The following CWC27 variants were observed in gnomAD, a reference collection of about 807,000 sequenced individuals.
CWC27 encodes the protein CWC27 spliceosome associated cyclophilin.
A neutral mutation model predicts 63.6 loss-of-function variants in CWC27; 47 were observed. The ratio of observed to expected loss-of-function variants is 0.74; its 90% CI spans 0.58 to 0.94. CWC27 has a LOEUF of 0.94. CWC27 is among the 40% of genes least tolerant of loss of function. The pLI is 0.00. For missense variants in CWC27, 495 were observed against 554.3 expected (o/e 0.89, Z 1.07); for synonymous variants, 175 against 179.8 (o/e 0.97, Z 0.22).
chr5:64,789,036 C>A lies in CWC27; in HGVS notation c.669+16C>A, dbSNP rs776440762. Reference sequence around the variant, plus strand: ...AGTTAGTCAGGTAATCTCTAATTTGCCCTTTGTTCTAACTTACAAAAGAGA... The same window carrying A: ...AGTTAGTCAGGTAATCTCTAATTTGACCTTTGTTCTAACTTACAAAAGAGA... On this transcript the variant is annotated intron_variant, in intron 7 of 13. Transcript: ENST00000381070. 1 of 1,575,910 alleles carries A rather than the reference C, an allele frequency of 6.3e-7. No homozygotes were observed. The highest frequency in any genetic ancestry group is 1.2e-5 in the South Asian group (1 of 86,080).
At chr5:64,837,267 C>T (rs1434969327) in intron 10 of CWC27, among the ~76,000 whole-genome samples, 1 of 152,096 alleles carries the variant, frequency 6.6e-6, no homozygotes, top group Non-Finnish European at 1.5e-5. Context: ...GGAGTTCTAA[C>T]ACCTTTGGTG....
At chr5:64,780,040 C>T (rs1390224544) in intron 2 of CWC27, among the ~76,000 whole-genome samples, 1 of 152,132 alleles carries the variant, frequency 6.6e-6, no homozygotes, top group Non-Finnish European at 1.5e-5. Flanking sequence ...TTCTTCATAG[C>T]AGTGTGAGAA....
chr5:64,780,699 G>GCACACACACA (rs143721735), intron 2 of CWC27, among the ~76,000 whole-genome samples: 16 of 148,194 alleles, frequency 1.1e-4, no homozygotes, highest in African/African-American at 3.9e-4. Flanking sequence ...GCACACGCGC[G>GCACACACACA]CACACACACA....
At chr5:64,814,191 C>A (rs1286366120) in intron 10 of CWC27, among the ~76,000 whole-genome samples, 2 of 151,858 alleles carry the variant, frequency 1.3e-5, no homozygotes, top group Admixed American at 1.3e-4. Flanking sequence ...AGATTGGACA[C>A]CCCTGCAACT....
intron 13 of CWC27, among the ~76,000 whole-genome samples, chr5:64,996,732 T>G (rs1273180018): frequency 6.6e-6 from 1 of 152,150 alleles, no homozygotes; most frequent in Non-Finnish European, 1.5e-5. Context: ...TTGTTTGTGA[T>G]TTTGTATTGC....
In CWC27 at chr5:64,776,068, C is replaced by CGAGAGAGA. The variant is rs70983650; in HGVS notation, c.139+1328_139+1335dup. Among the ~76,000 whole-genome samples, 434 of 108,576 alleles carry CGAGAGAGA rather than the reference C, an allele frequency of 4.0e-3. 17 individuals carry two copies. Among genetic ancestry groups the CGAGAGAGA allele is most frequent in the African/African-American group, 9.6e-3 (254 of 26,582 alleles). The allele number at this position is 108,576 out of a possible 152,430, so 71.2% of individuals were successfully genotyped here. On this transcript the variant is annotated intron_variant, in intron 2 of 13. Transcript: ENST00000381070. ...AAGAGAGAGGTGGGGAGGAGTGGAG[C>CGAGAGAGA]GAGAGAGAGAGAGAGAGAGAGAGAG...
intron 13 of CWC27, among the ~76,000 whole-genome samples, chr5:64,980,835 T>C (rs1749320679): frequency 6.6e-6 from 1 of 152,220 alleles, no homozygotes; most frequent in Non-Finnish European, 1.5e-5. Context: ...CTTATGCCTG[T>C]AATCTCAGCA....
At chr5:64,983,845 G>C (rs1211810160) in intron 13 of CWC27, among the ~76,000 whole-genome samples, 1 of 152,002 alleles carries the variant, frequency 6.6e-6, no homozygotes, top group East Asian at 1.9e-4. Flanking sequence ...TGTTGTTGTT[G>C]TTGTTACAGA....
At chr5:64,859,458 T>C (rs1746344643) in intron 10 of CWC27, among the ~76,000 whole-genome samples, 1 of 152,160 alleles carries the variant, frequency 6.6e-6, no homozygotes, top group Admixed American at 6.6e-5. Context: ...GTTTTAAAAA[T>C]GTTTCAAAGC....
At chr5:64,794,718 A>G (rs536787670) in intron 7 of CWC27, among the ~76,000 whole-genome samples, 241 of 152,278 alleles carry the variant, frequency 1.6e-3, no homozygotes, top group African/African-American at 5.5e-3. Context: ...AATATTTGAA[A>G]TATTTTTATC....
rs545775154 is a variant in CWC27, at chr5:64,940,949, C to T, written c.1043-30754C>T. ...GCACCCTCTGCCTCCTGAGTTCAAG[C>T]GATTCTCCTGCCTCAGCCTCCCAAG... On this transcript the variant is annotated intron_variant, in intron 11 of 13. Coordinates refer to ENST00000381070, the MANE Select transcript of CWC27 (RefSeq NM_005869.4). Among the ~76,000 whole-genome samples, 85 of 148,196 alleles carry T rather than the reference C, an allele frequency of 5.7e-4. 1 individual carries two copies. Among genetic ancestry groups the T allele is most frequent in the African/African-American group, 1.9e-3 (77 of 40,246 alleles).
At chr5:64,844,572 C>T (rs767874572) in intron 10 of CWC27, among the ~76,000 whole-genome samples, 5 of 152,174 alleles carry the variant, frequency 3.3e-5, no homozygotes, top group Non-Finnish European at 5.9e-5. Flanking sequence ...AGTCAAGCAG[C>T]AGCTCCCCTC....
chr5:64,897,615 T>C (rs1747411375), intron 11 of CWC27, among the ~76,000 whole-genome samples: 1 of 152,066 alleles, frequency 6.6e-6, no homozygotes, highest in Non-Finnish European at 1.5e-5. Flanking sequence ...AGGGGAGGGA[T>C]AGCATTAGGA....
Position 64,776,060 on chromosome 5 carries a change from G to A in CWC27, c.139+1273G>A, listed in dbSNP as rs550571355. Among the ~76,000 whole-genome samples, 5 of 134,704 alleles carry A rather than the reference G, an allele frequency of 3.7e-5. No homozygotes were observed. The South Asian group carries it at 1.2e-3, about 32-fold the overall frequency. 88.4% of individuals were successfully genotyped at this position (134,704 alleles called of 152,430 possible). ...CTCTCCAAAAGAGAGAGGTGGGGAG[G>A]AGTGGAGCGAGAGAGAGAGAGAGAG... is the stretch of plus-strand genomic sequence containing the variant. On this transcript the variant is annotated intron_variant, in intron 2 of 13. Transcript: ENST00000381070.
intron 13 of CWC27, among the ~76,000 whole-genome samples, chr5:65,008,266 T>C (rs369608791): frequency 6.6e-6 from 1 of 152,222 alleles, no homozygotes; most frequent in East Asian, 1.9e-4. Context: ...TTTGCTCAAT[T>C]TTGTGTAAAT....
At chr5:64,911,924 A>G (rs574802475) in intron 11 of CWC27, among the ~76,000 whole-genome samples, 1 of 143,914 alleles carries the variant, frequency 6.9e-6, no homozygotes, top group Non-Finnish European at 1.5e-5. Context: ...AATACAAAAA[A>G]TTAGCCAACC....
chr5:64,826,079 C>CTATT (rs1745349697), intron 10 of CWC27, among the ~76,000 whole-genome samples: 1 of 145,834 alleles, frequency 6.9e-6, no homozygotes, highest in Non-Finnish European at 1.5e-5. Context: ...TGTAATAAAT[C>CTATT]TATCTATCTA....
intron 10 of CWC27, among the ~76,000 whole-genome samples, chr5:64,871,752 CA>C (rs1746681701): frequency 1.3e-5 from 2 of 151,908 alleles, no homozygotes; most frequent in Admixed American, 1.3e-4. Context: ...GCCCCAAGGC[CA>C]AAAAGATGTG....
At chr5:64,854,453 T>C (rs1746205816) in intron 10 of CWC27, among the ~76,000 whole-genome samples, 1 of 152,234 alleles carries the variant, frequency 6.6e-6, no homozygotes, top group Non-Finnish European at 1.5e-5. Context: ...CCACCACTTG[T>C]TATTTCTGCT....
Sources: allele counts gnomAD v4.1 joint callset (sites outside exome capture counted in the v4.1 genomes callset), GRCh38; gene constraint gnomAD v4.1.1; transcripts MANE v1.5; gene names NCBI Gene and HGNC (gene_info 2026-07-23, HGNC 2026-07-21).